SNX6: variants seen among roughly 807,000 people sequenced by gnomAD.
SNX6 encodes sorting nexin 6.
In SNX6, 34 loss-of-function variants were observed where a neutral mutation model predicts 63.0. The ratio of observed to expected loss-of-function variants is 0.54; its 90% CI spans 0.41 to 0.72. The LOEUF (loss-of-function observed/expected upper bound fraction) is 0.72, where lower values mean the gene tolerates loss of function less well. Ranked by LOEUF, SNX6 falls within the 30% of genes least tolerant of loss-of-function variation. SNX6 has a pLI of 0.00. For synonymous variants in SNX6, 170 were observed against 164.2 expected (o/e 1.04, Z -0.27); for missense variants, 398 against 471.4 (o/e 0.84, Z 1.44).
In SNX6 at chr14:34,607,963, T is replaced by G. The variant is rs1883084195; in HGVS notation, c.270+67A>C. ...GTTCACAAAAAATGCTAAACAAGAT[T>G]CCAAAACATAACGAAGTACCTAAAA... On this transcript the variant is annotated intron_variant, in intron 4 of 13. Coordinates refer to ENST00000362031, the MANE Select transcript of SNX6 (RefSeq NM_152233.4). 5.0e-6 allele frequency: 4 copies of G among 804,710 alleles called. No homozygotes were observed. The Admixed American group carries it at 1.1e-4, about 22-fold the overall frequency. The allele number at this position is 804,710 out of a possible 1,614,324, so 49.8% of individuals were successfully genotyped here.
chr14:34,616,299 AT>A (rs199546769), intron 2 of SNX6, among the ~76,000 whole-genome samples: 8 of 151,388 alleles, frequency 5.3e-5, no homozygotes, highest in Non-Finnish European at 5.9e-5. Context: ...AACTAGCAAC[AT>A]TTTTTTTTCC....
intron 2 of SNX6, among the ~76,000 whole-genome samples, chr14:34,624,234 G>A (rs1473557740): frequency 6.6e-6 from 1 of 152,030 alleles, no homozygotes; most frequent in Non-Finnish European, 1.5e-5. Flanking sequence ...CCAAGTAGCT[G>A]GGATTACAGG....
At chr14:34,602,630 A>G (rs537291000) in intron 6 of SNX6, among the ~76,000 whole-genome samples, 3 of 151,836 alleles carry the variant, frequency 2.0e-5, no homozygotes, top group Non-Finnish European at 4.4e-5. Context: ...CATTCTAAAA[A>G]AAGACCTTGA....
intron 5 of SNX6, among the ~76,000 whole-genome samples, chr14:34,604,799 A>G (rs1287269559): frequency 6.6e-6 from 1 of 152,168 alleles, no homozygotes; most frequent in Non-Finnish European, 1.5e-5. Context: ...AATATTCATC[A>G]GAACATTTCA....
In SNX6 at chr14:34,566,914, TTAAA is replaced by T. The variant is rs1881206558; in HGVS notation, c.1167+768_1167+771del. ...GCAAGACTCCAGCTCTAAAACATAATTAAATAAATACATTTTCAAAAAACCTGGC... is the reference window on the plus strand; with the variant it reads ...GCAAGACTCCAGCTCTAAAACATAATTAAATACATTTTCAAAAAACCTGGC... On this transcript the variant is annotated intron_variant, in intron 13 of 13. Coordinates refer to ENST00000362031, the MANE Select transcript of SNX6 (RefSeq NM_152233.4). Among the ~76,000 whole-genome samples the T allele has an allele frequency of 4.6e-5, 7 of 151,072 alleles. No homozygotes were observed. The South Asian group carries it at 1.5e-3, about 32-fold the overall frequency.
chr14:34,575,308 C>A (rs1231261893), intron 11 of SNX6, among the ~76,000 whole-genome samples: 2 of 150,982 alleles, frequency 1.3e-5, no homozygotes, highest in African/African-American at 4.9e-5. Context: ...TCAAGTGATT[C>A]TCCCACCTCA....
chr14:34,565,603 G>C (rs564188527), intron 13 of SNX6, among the ~76,000 whole-genome samples: 1 of 151,988 alleles, frequency 6.6e-6, no homozygotes, highest in Non-Finnish European at 1.5e-5. Flanking sequence ...GGCAACCTCC[G>C]CCTCCCGGGT....
intron 2 of SNX6, among the ~76,000 whole-genome samples, chr14:34,617,636 C>CT (rs1397226309): frequency 1.6e-5 from 2 of 128,674 alleles, no homozygotes; most frequent in Non-Finnish European, 3.3e-5. Flanking sequence ...AAAAAAAAGA[C>CT]TTGGACCAGG....
At chr14:34,622,438 C>T (rs899137527) in intron 2 of SNX6, among the ~76,000 whole-genome samples, 6 of 151,872 alleles carry the variant, frequency 4.0e-5, no homozygotes, top group South Asian at 2.1e-4. Context: ...AAGAAATTAG[C>T]TGGGCGTGGT....
intron 8 of SNX6, among the ~76,000 whole-genome samples, chr14:34,588,943 G>A (rs1175129791): frequency 6.6e-6 from 1 of 152,102 alleles, no homozygotes; most frequent in African/African-American, 2.4e-5. Flanking sequence ...AGACCAGCCT[G>A]GCCAACATGG....
chr14:34,604,399 C>T (rs1394186776), intron 5 of SNX6: 5 of 720,720 alleles, frequency 6.9e-6, no homozygotes, highest in African/African-American at 1.9e-5. Context: ...GCTATCAGAC[C>T]GCTGCTTGCA....
rs997963702 is a variant in SNX6 at position 34,597,445 on chromosome 14, C to T, written c.612+105G>A. ...TGTTCCTAGGACTGAAGATTCTAACCGTCCAAATGTCTTTTACTCTAATTC... is the reference window on the plus strand; with the variant it reads ...TGTTCCTAGGACTGAAGATTCTAACTGTCCAAATGTCTTTTACTCTAATTC... On this transcript the variant is annotated intron_variant, in intron 7 of 13. Coordinates refer to ENST00000362031, the MANE Select transcript of SNX6 (RefSeq NM_152233.4). The T allele has an allele frequency of 1.4e-5, 10 of 721,188 alleles. No individual in the cohort carries two copies. The East Asian group carries it at 1.5e-4, about 11-fold the overall frequency. The allele number at this position is 721,188 out of a possible 1,614,324, so 44.7% of individuals were successfully genotyped here.
At position 34,578,058 on chromosome 14, in the gene SNX6, A is replaced by G. The variant is rs1881781554; in HGVS notation, c.835-2216T>C. On this transcript the variant is annotated intron_variant, in intron 10 of 13. Coordinates refer to ENST00000362031, the MANE Select transcript of SNX6 (RefSeq NM_152233.4). ...ACCCCCCCGTCTCTACATAAAAATTAGCTAGGAGTGGCAGCAATGCCTGTA... is the reference window on the plus strand; with the variant it reads ...ACCCCCCCGTCTCTACATAAAAATTGGCTAGGAGTGGCAGCAATGCCTGTA... Among the ~76,000 whole-genome samples the G allele has an allele frequency of 2.0e-5, 3 of 150,168 alleles. No homozygotes were observed. The South Asian group carries it at 6.3e-4, about 32-fold the overall frequency.
intron 11 of SNX6, among the ~76,000 whole-genome samples, chr14:34,572,506 A>AT (rs1881490559): frequency 6.6e-6 from 1 of 152,196 alleles, no homozygotes; most frequent in Non-Finnish European, 1.5e-5. Context: ...CAGTGTATTT[A>AT]TAAGTACCTA....
intron 6 of SNX6, among the ~76,000 whole-genome samples, chr14:34,601,103 A>G (rs764432160): frequency 2.0e-5 from 3 of 152,102 alleles, no homozygotes; most frequent in Non-Finnish European, 4.4e-5. Flanking sequence ...CAGAGTCAAT[A>G]ATTTACCCGA....
intron 10 of SNX6, 138 bp from the exon 11 acceptor site, chr14:34,575,980 G>C: frequency 5.4e-6 from 2 of 370,762 alleles, no homozygotes; most frequent in Non-Finnish European, 1.0e-5. Context: ...CTGGAGTGCA[G>C]TGGCGCTATC....
At chr14:34,579,788 G>T (rs1881863855) in intron 10 of SNX6, among the ~76,000 whole-genome samples, 1 of 148,122 alleles carries the variant, frequency 6.8e-6, no homozygotes, top group African/African-American at 2.5e-5. Context: ...AGGAGTTTCA[G>T]ACCAGCCTGG....
chr14:34,626,344 A>C (rs1413321738), intron 2 of SNX6, among the ~76,000 whole-genome samples: 1 of 151,938 alleles, frequency 6.6e-6, no homozygotes, highest in East Asian at 1.9e-4. Context: ...CTCTCCCTTT[A>C]ATTTTGTAAT....
chr14:34,575,820 G>A lies in SNX6; in HGVS notation c.857C>T (p.Ala286Val). Reference sequence around the variant, plus strand: ...ATCAGAAAGTTTGAGGTCTTCATCAGCAGACACTCGTGCTTCTATTTTCTG... The same window carrying A: ...ATCAGAAAGTTTGAGGTCTTCATCAACAGACACTCGTGCTTCTATTTTCTG... The part of the protein sequence containing the change: ...KTRKIEARVS[A>V]DEDLKLSDLL... Residue 286 changes from alanine to valine, a missense_variant, in exon 11 of 14, where the codon GCT (alanine) becomes GTT (valine). By Grantham distance (64) the Ala-to-Val change is moderately conservative. Coordinates refer to ENST00000362031, the MANE Select transcript of SNX6 (RefSeq NM_152233.4). 6.3e-7 allele frequency: 1 copy of A among 1,589,194 alleles called. No homozygotes were observed. Among genetic ancestry groups the A allele is most frequent in the Non-Finnish European group, 8.6e-7 (1 of 1,167,294 alleles).
Sources: allele counts gnomAD v4.1 joint callset (sites outside exome capture counted in the v4.1 genomes callset), GRCh38; gene constraint gnomAD v4.1.1; transcripts MANE v1.5; gene names NCBI Gene and HGNC (gene_info 2026-07-23, HGNC 2026-07-21).